The following CTNNBIP1 variants were observed in gnomAD, a reference collection of about 807,000 sequenced individuals.
CTNNBIP1 encodes catenin beta interacting protein 1.
In CTNNBIP1, 7 loss-of-function variants were observed where a neutral mutation model predicts 11.8. The observed-to-expected ratio is 0.60, with a 90% CI of 0.34 to 1.12. The LOEUF is 1.12. CTNNBIP1 is among the 50% of genes most tolerant of loss of function. The pLI is 0.03. For synonymous variants in CTNNBIP1, 58 were observed against 43.9 expected (o/e 1.32, Z -1.26); for missense variants, 101 against 113.4 (o/e 0.89, Z 0.50).
intron 1 of CTNNBIP1, among the ~76,000 whole-genome samples, chr1:9,909,227 G>A (rs1639681937): frequency 6.6e-6 from 1 of 152,208 alleles, no homozygotes; most frequent in African/African-American, 2.4e-5. Context: ...GGCCAGACAT[G>A]TTCCTCTCAG....
rs1433213522 is a variant in CTNNBIP1, at chr1:9,850,561, C to G, written c.*157G>C. ...CCACTGGTGTCTCCCTTGATGCCAG[C>G]CCCACTGAGTAGCTGTGAGGTGGGG... On this transcript the variant is annotated 3_prime_UTR_variant, in exon 6 of 6. Coordinates refer to ENST00000377263, the MANE Select transcript of CTNNBIP1 (RefSeq NM_020248.3). 3.0e-6 allele frequency: 2 copies of G among 666,672 alleles called. No individual in the cohort carries two copies. The highest frequency in any genetic ancestry group is 5.5e-6 in the Non-Finnish European group (2 of 361,454). The allele number at this position is 666,672 out of a possible 1,614,324, so 41.3% of individuals were successfully genotyped here. A position where few individuals can be genotyped will look rare whatever the true frequency, so the allele number is the denominator to read the frequency against.
At chr1:9,893,513 A>G (rs967425625) in intron 1 of CTNNBIP1, among the ~76,000 whole-genome samples, 4 of 152,156 alleles carry the variant, frequency 2.6e-5, no homozygotes, top group African/African-American at 9.7e-5. Context: ...AGACTGTTAC[A>G]TTTTACAAAA....
intron 1 of CTNNBIP1, among the ~76,000 whole-genome samples, chr1:9,892,682 AGG>A (rs1457551596): frequency 5.3e-5 from 8 of 152,160 alleles, no homozygotes; most frequent in African/African-American, 1.7e-4. Context: ...ATAAAGATAT[AGG>A]TGTATCTGTT....
At chr1:9,873,219 T>C (rs375592572) in intron 3 of CTNNBIP1, among the ~76,000 whole-genome samples, 5 of 152,166 alleles carry the variant, frequency 3.3e-5, no homozygotes, top group African/African-American at 1.2e-4. Flanking sequence ...AGCAGCTGCA[T>C]GCTGGATGCG....
intron 2 of CTNNBIP1, among the ~76,000 whole-genome samples, chr1:9,882,163 C>T (rs1007171154): frequency 6.6e-6 from 1 of 152,086 alleles, no homozygotes; most frequent in African/African-American, 2.4e-5. Context: ...AGGGAGAAGT[C>T]ACTGGAGCTG....
chr1:9,867,992 T>C lies in CTNNBIP1; in HGVS notation c.187+3195A>G, dbSNP rs1356595737. Among the ~76,000 whole-genome samples the C allele has an allele frequency of 1.3e-5, 2 of 152,194 alleles. No homozygotes were observed. Among genetic ancestry groups the C allele is most frequent in the Non-Finnish European group, 2.9e-5 (2 of 68,032 alleles). Reference sequence around the variant, plus strand: ...CTGATTGCAGTTCTGCTGTTATTGTTGTTGTGTTTGTTTGTGGTGTCGTTA... The same window carrying C: ...CTGATTGCAGTTCTGCTGTTATTGTCGTTGTGTTTGTTTGTGGTGTCGTTA... On this transcript the variant is annotated intron_variant, in intron 5 of 5. Transcript: ENST00000377263. This position sits in a 1 kb window ranked among gnomAD's most constrained non-coding sequence, Gnocchi z 4.6.
chr1:9,880,240 G>C (rs922487374), intron 2 of CTNNBIP1, among the ~76,000 whole-genome samples: 1 of 150,408 alleles, frequency 6.6e-6, no homozygotes, highest in African/African-American at 2.5e-5. Flanking sequence ...TTGGTTTTCT[G>C]TTCCTGTGTT....
chr1:9,879,539 T>TCACC (rs1639040396), intron 2 of CTNNBIP1, among the ~76,000 whole-genome samples: 1 of 152,172 alleles, frequency 6.6e-6, no homozygotes, highest in East Asian at 1.9e-4. Flanking sequence ...AGGAGAGCTG[T>TCACC]CACCCACCAC....
chr1:9,898,919 A>C (rs1639464135), intron 1 of CTNNBIP1, among the ~76,000 whole-genome samples: 2 of 152,092 alleles, frequency 1.3e-5, no homozygotes. Context: ...TTGTATTGTT[A>C]TATTTTGGTT....
chr1:9,870,560 T>G (rs917520855), intron 5 of CTNNBIP1, among the ~76,000 whole-genome samples: 23 of 152,210 alleles, frequency 1.5e-4, no homozygotes, highest in Non-Finnish European at 2.4e-4. Context: ...GTGGAAGTAT[T>G]AATAATACAA....
intron 5 of CTNNBIP1, among the ~76,000 whole-genome samples, chr1:9,853,141 T>C (rs1193726187): frequency 6.6e-6 from 1 of 152,236 alleles, no homozygotes; most frequent in Admixed American, 6.5e-5. Context: ...ACTGTGCTGC[T>C]GGAGCCCTGC....
intron 5 of CTNNBIP1, among the ~76,000 whole-genome samples, chr1:9,866,961 C>T (rs1300669041): frequency 6.6e-6 from 1 of 152,022 alleles, no homozygotes; most frequent in African/African-American, 2.4e-5. Context: ...GCTGAGTCCT[C>T]GGGCGCCGTG....
intron 1 of CTNNBIP1, among the ~76,000 whole-genome samples, chr1:9,892,844 C>T (rs1202041026): frequency 4.6e-5 from 7 of 152,088 alleles, no homozygotes; most frequent in Admixed American, 3.3e-4. Context: ...CCAGCTACCT[C>T]GGAACAAAAC....
At chr1:9,861,330 C>G (rs1638621376) in intron 5 of CTNNBIP1, among the ~76,000 whole-genome samples, 1 of 152,174 alleles carries the variant, frequency 6.6e-6, no homozygotes, top group African/African-American at 2.4e-5. Context: ...CAGGTACCAC[C>G]CTGGACTGGG....
rs190756141 is a variant in CTNNBIP1 at position 9,910,178 on chromosome 1, C to T, written c.-227G>A. The T allele has an allele frequency of 1.4e-5, 2 of 147,236 alleles. No homozygotes were observed. Among genetic ancestry groups the T allele is most frequent in the East Asian group, 1.9e-4 (1 of 5,150 alleles). The allele number at this position is 147,236 out of a possible 1,614,324, so 9.1% of individuals were successfully genotyped here. On this transcript the variant is annotated 5_prime_UTR_variant, in exon 1 of 6. Transcript: ENST00000377263. ...GCGGCCTGTTCCGGGGCGTGCTCAG[C>T]CCGAGCAGCCGCTGCGGCGGCGGCA...
At chr1:9,859,765 G>A (rs1201986069) in intron 5 of CTNNBIP1, among the ~76,000 whole-genome samples, 2 of 152,234 alleles carry the variant, frequency 1.3e-5, no homozygotes, top group Admixed American at 6.5e-5. Flanking sequence ...GCATTTCACA[G>A]ACCTGGCTGG....
intron 2 of CTNNBIP1, among the ~76,000 whole-genome samples, chr1:9,880,138 C>T (rs1339628912): frequency 2.0e-4 from 31 of 151,816 alleles, no homozygotes; most frequent in Admixed American, 2.0e-3. Context: ...TGCCCCCAGC[C>T]CCCCAACAGG....
chr1:9,890,118 T>C (rs1448019118), intron 1 of CTNNBIP1, among the ~76,000 whole-genome samples: 1 of 152,230 alleles, frequency 6.6e-6, no homozygotes, highest in African/African-American at 2.4e-5. Flanking sequence ...TTTATCCTTG[T>C]GATTCTGGCC....
chr1:9,888,835 G>A (rs1639240167), intron 1 of CTNNBIP1, among the ~76,000 whole-genome samples: 2 of 152,172 alleles, frequency 1.3e-5, no homozygotes, highest in Non-Finnish European at 2.9e-5. Flanking sequence ...TGCCGTGCAC[G>A]CTGTTCCAGG....
Sources: allele counts gnomAD v4.1 joint callset (sites outside exome capture counted in the v4.1 genomes callset), GRCh38; gene constraint gnomAD v4.1.1; non-coding constraint Gnocchi (gnomAD v3.1); transcripts MANE v1.5; gene names NCBI Gene and HGNC (gene_info 2026-07-23, HGNC 2026-07-21).